PIK3CB: variants seen among roughly 807,000 people sequenced by gnomAD.
PIK3CB encodes the protein phosphatidylinositol-4,5-bisphosphate 3-kinase catalytic subunit beta, also known as phosphatidylinositol 4,5-bisphosphate 3-kinase catalytic subunit beta isoform.
Under a neutral mutation model 136.8 loss-of-function variants are expected in PIK3CB, and 39 were observed. The ratio of observed to expected loss-of-function variants is 0.29; its 90% CI spans 0.22 to 0.37. The LOEUF (loss-of-function observed/expected upper bound fraction) is 0.37. PIK3CB is among the 10% of genes least tolerant of loss of function. The pLI, the probability that PIK3CB is intolerant of heterozygous loss-of-function variation, is 1.00. For synonymous variants in PIK3CB, 428 were observed against 436.6 expected (o/e 0.98, Z 0.25); for missense variants, 868 against 1,275.4 (o/e 0.68, Z 4.87).
chr3:138,699,006 A>G lies in PIK3CB; in HGVS notation c.1671T>C (p.Leu557=). ...LSQLCENEMD[L]IWTLRQDCRE... ...GGCAGTCTTGTCGCAAAGTCCAAAT[A>G]AGATCCATTTCATTTTCACACAGTT... Residue 557 remains leucine, a synonymous_variant, in exon 13 of 24, where the codon CTT becomes CTC. Coordinates refer to ENST00000674063, the MANE Select transcript of PIK3CB (RefSeq NM_006219.3). The G allele has an allele frequency of 1.2e-6, 2 of 1,607,278 alleles. No homozygotes were observed. Among genetic ancestry groups the G allele is most frequent in the Non-Finnish European group, 1.7e-6 (2 of 1,175,144 alleles).
intron 3 of PIK3CB, among the ~76,000 whole-genome samples, chr3:138,756,985 T>C (rs1426263243): frequency 2.0e-5 from 3 of 152,024 alleles, no homozygotes; most frequent in African/African-American, 7.2e-5. Flanking sequence ...TACAACTCAA[T>C]AACAGAAAAC....
At chr3:138,825,752 G>T in intron 1 of PIK3CB, 1 of 714,744 alleles carries the variant, frequency 1.4e-6, no homozygotes, top group Non-Finnish European at 2.5e-6. Context: ...GTGGAGACTG[G>T]TGTTCTCAAA....
intron 2 of PIK3CB, among the ~76,000 whole-genome samples, chr3:138,773,671 A>C (rs2045825953): frequency 6.6e-6 from 1 of 152,204 alleles, no homozygotes; most frequent in Admixed American, 6.5e-5. Context: ...AAGCAATGCT[A>C]ATAAAACTCT....
At chr3:138,730,025 G>A (rs937355106) in intron 8 of PIK3CB, among the ~76,000 whole-genome samples, 3 of 152,130 alleles carry the variant, frequency 2.0e-5, no homozygotes, top group Non-Finnish European at 4.4e-5. Flanking sequence ...TTCTACTGGA[G>A]CTCCTCACCT....
intron 8 of PIK3CB, among the ~76,000 whole-genome samples, chr3:138,731,129 A>G (rs766655879): frequency 6.6e-6 from 1 of 152,160 alleles, no homozygotes; most frequent in Admixed American, 6.5e-5. Flanking sequence ...ATTCCATATC[A>G]TATGTTTATA....
At position 138,733,420 on chromosome 3, in the gene PIK3CB, T is replaced by C. The variant is rs1486458334; in HGVS notation, c.991A>G (p.Asn331Asp). The change falls in exon 8 of 24, where the codon AAC becomes GAC. Residue 331 changes from asparagine (N) to aspartate (D), a missense_variant. Coordinates refer to ENST00000674063, the MANE Select transcript of PIK3CB (RefSeq NM_006219.3). The stretch of plus-strand genomic sequence containing the variant: ...TTAACCAAGACAATTTGGAAAGGGT[T>C]GTTATTTTCCCAAACATGCTGTAAA... ...RIISHVWENN[N>D]PFQIVLVKGN... The C allele has an allele frequency of 1.3e-6, 2 of 1,548,062 alleles. No homozygotes were observed. Among genetic ancestry groups the C allele is most frequent in the Non-Finnish European group, 1.8e-6 (2 of 1,123,110 alleles).
chr3:138,733,758 G>T (rs1021847197), intron 7 of PIK3CB, among the ~76,000 whole-genome samples: 8 of 152,138 alleles, frequency 5.3e-5, no homozygotes, highest in Non-Finnish European at 1.0e-4. Context: ...GGCGCCTGTA[G>T]TCCCAGTTAC....
At chr3:138,816,675 G>A (rs966787594) in intron 1 of PIK3CB, among the ~76,000 whole-genome samples, 1 of 152,002 alleles carries the variant, frequency 6.6e-6, no homozygotes, top group Non-Finnish European at 1.5e-5. Flanking sequence ...CAGTTTCACT[G>A]GAGATTGTCA....
chr3:138,670,847 A>G (rs995802307), intron 19 of PIK3CB, among the ~76,000 whole-genome samples: 1 of 152,120 alleles, frequency 6.6e-6, no homozygotes, highest in Non-Finnish European at 1.5e-5. Context: ...ATGAATTATG[A>G]TCTCTTTTCT....
chr3:138,722,541 G>A (rs1325378391), intron 8 of PIK3CB, among the ~76,000 whole-genome samples: 2 of 151,904 alleles, frequency 1.3e-5, no homozygotes, highest in African/African-American at 2.4e-5. Flanking sequence ...AGACAAATAA[G>A]TTCCCACCAT....
chr3:138,661,851 C>T (rs1421176636), intron 21 of PIK3CB, among the ~76,000 whole-genome samples: 1 of 152,088 alleles, frequency 6.6e-6, no homozygotes. Context: ...GGGGGCTAAA[C>T]TGAAAAATTA....
At chr3:138,693,241 G>A (rs553411171) in intron 14 of PIK3CB, among the ~76,000 whole-genome samples, 12 of 151,818 alleles carry the variant, frequency 7.9e-5, no homozygotes, top group East Asian at 7.8e-4. Flanking sequence ...CCACAGGTGC[G>A]CACCTCCACG....
intron 8 of PIK3CB, among the ~76,000 whole-genome samples, chr3:138,715,955 ATAT>A (rs1484954994): frequency 1.3e-5 from 2 of 152,124 alleles, no homozygotes; most frequent in African/African-American, 4.8e-5. Flanking sequence ...AGCTAAAGAA[ATAT>A]TATTAAAAAG....
intron 2 of PIK3CB, among the ~76,000 whole-genome samples, chr3:138,785,376 A>G (rs2045970308): frequency 6.6e-6 from 1 of 152,154 alleles, no homozygotes; most frequent in Admixed American, 6.5e-5. Context: ...TGTCGAATAG[A>G]AAAGGGGGAA....
intron 5 of PIK3CB, among the ~76,000 whole-genome samples, chr3:138,738,730 A>G (rs1340845459): frequency 9.9e-5 from 15 of 152,166 alleles, no homozygotes; most frequent in Admixed American, 9.8e-4. Flanking sequence ...ATAATCTAGC[A>G]AGGTAATTTT....
chr3:138,764,843 C>T (rs960951343), intron 2 of PIK3CB, among the ~76,000 whole-genome samples: 1 of 152,182 alleles, frequency 6.6e-6, no homozygotes, highest in African/African-American at 2.4e-5. Flanking sequence ...CCTGATACTC[C>T]TCGGTGTGTC....
intron 1 of PIK3CB, among the ~76,000 whole-genome samples, chr3:138,810,922 A>T (rs919208981): frequency 1.3e-5 from 2 of 151,300 alleles, no homozygotes; most frequent in South Asian, 4.2e-4. Flanking sequence ...TCCGTCTCAA[A>T]AAATAAATAA....
chr3:138,830,335 A>AGG (rs1215593051), intron 1 of PIK3CB, among the ~76,000 whole-genome samples: 1 of 151,426 alleles, frequency 6.6e-6, no homozygotes, highest in Non-Finnish European at 1.5e-5. Flanking sequence ...GGATCACCTG[A>AGG]GGTTAGGAGT....
chr3:138,817,467 G>T (rs1325538993), intron 1 of PIK3CB, among the ~76,000 whole-genome samples: 1 of 152,174 alleles, frequency 6.6e-6, no homozygotes, highest in Admixed American at 6.6e-5. Flanking sequence ...GGTGAGCTGA[G>T]ATCATGCCAT....
Sources: allele counts gnomAD v4.1 joint callset (sites outside exome capture counted in the v4.1 genomes callset), GRCh38; gene constraint gnomAD v4.1.1; transcripts MANE v1.5; gene names NCBI Gene and HGNC (gene_info 2026-07-23, HGNC 2026-07-21).